The following POU6F2 variants were observed in gnomAD, a reference collection of about 807,000 sequenced individuals.
The protein encoded by POU6F2 is POU domain, class 6, transcription factor 2.
POU6F2 carries 31 observed loss-of-function variants against 71.3 expected under a neutral mutation model. The ratio of observed to expected loss-of-function variants is 0.43; its 90% CI spans 0.33 to 0.59. The LOEUF (loss-of-function observed/expected upper bound fraction) is 0.59, where lower values mean the gene tolerates loss of function less well. POU6F2 is among the 20% of genes least tolerant of loss of function. POU6F2 has a pLI of 0.04. For missense variants in POU6F2, 783 were observed against 856.8 expected (o/e 0.91, Z 1.07); for synonymous variants, 347 against 355.7 (o/e 0.98, Z 0.27).
At position 39,037,091 on chromosome 7, in the gene POU6F2, T is replaced by C. The variant is rs558763830; in HGVS notation, c.106-48769T>C. On this transcript the variant is annotated intron_variant, in intron 1 of 9. Transcript: ENST00000518318. The stretch of plus-strand genomic sequence containing the variant: ...ATGAATTTGAGAGACTCAGTTGCTG[T>C]TTAAAGACCCTGAGGCCTTTTGGGG... 3.9e-5 allele frequency among the ~76,000 whole-genome samples: 6 copies of C among 152,144 alleles called. No homozygotes were observed. In the East Asian group the frequency reaches 5.8e-4, roughly 15 times the overall value.
At chr7:39,194,699 A>C (rs920145973) in intron 2 of POU6F2, among the ~76,000 whole-genome samples, 1 of 152,126 alleles carries the variant, frequency 6.6e-6, no homozygotes, top group East Asian at 1.9e-4. Context: ...GCTGTGGGAT[A>C]TTTGTTCTTT....
intron 2 of POU6F2, among the ~76,000 whole-genome samples, chr7:39,186,902 T>G (rs1180407874): frequency 2.0e-5 from 3 of 152,220 alleles, no homozygotes; most frequent in Non-Finnish European, 4.4e-5. Flanking sequence ...CAGTATCTTG[T>G]CAGATCAAAC....
chr7:39,456,751 TTTGCAGAGAG>T (rs1314255113), intron 8 of POU6F2, among the ~76,000 whole-genome samples: 1 of 152,216 alleles, frequency 6.6e-6, no homozygotes, highest in African/African-American at 2.4e-5. Context: ...GTCAACAAAT[TTTGCAGAGAG>T]ATGCTACTTT....
chr7:39,460,632 G>A lies in POU6F2; in HGVS notation c.1575G>A (p.Leu525=). Residue 525 remains leucine (L), a synonymous_variant, in exon 9 of 10, where the codon CTG becomes CTA. Coordinates refer to ENST00000518318, the MANE Select transcript of POU6F2 (RefSeq NM_001370959.1). The surrounding 1 kb of genome is among the most constrained non-coding windows in gnomAD (Gnocchi z 4.4). ...CCAAAGCTTTTAAAATCCGGCGCCT[G>A]TCCCTTGGCCTGACCCAGACTCAGG... ...EFAKAFKIRR[L]SLGLTQTQVG... is the part of the protein sequence containing the mutation. 3 of 1,610,304 alleles carry A rather than the reference G, an allele frequency of 1.9e-6. No individual in the cohort carries two copies. The highest frequency in any genetic ancestry group is 2.5e-6 in the Non-Finnish European group (3 of 1,178,276).
At position 39,068,300 on chromosome 7, in the gene POU6F2, C is replaced by T. The variant is rs1269304970; in HGVS notation, c.106-17560C>T. On this transcript the variant is annotated intron_variant, in intron 1 of 9. Coordinates refer to ENST00000518318, the MANE Select transcript of POU6F2 (RefSeq NM_001370959.1). ...CATCAGTGCCCTGTCTCGCAACATC[C>T]CCTAACGTGCACAGGCCTCATTTTA... is the stretch of plus-strand genomic sequence containing the variant. Among the ~76,000 whole-genome samples, 3 of 152,078 alleles carry T rather than the reference C, an allele frequency of 2.0e-5. No homozygotes were observed. The East Asian group carries it at 5.8e-4, about 29-fold the overall frequency.
At chr7:39,026,555 A>T (rs866060923) in intron 1 of POU6F2, among the ~76,000 whole-genome samples, 8 of 152,052 alleles carry the variant, frequency 5.3e-5, no homozygotes, top group South Asian at 4.1e-4. Context: ...AACAATGAGA[A>T]CACATGGACA....
In POU6F2 at chr7:39,333,853, G is replaced by T. The variant is rs559260613; in HGVS notation, c.599-5789G>T. ...CCCTCCCCACTTGCTGCAGCTCCCT[G>T]TAGGGCTGCTAGGAGCCCCAAGGGT... On this transcript the variant is annotated intron_variant, in intron 4 of 9. Transcript: ENST00000518318. Among the ~76,000 whole-genome samples, 25 of 152,292 alleles carry T rather than the reference G, an allele frequency of 1.6e-4. No homozygotes were observed. The South Asian group carries it at 5.0e-3, about 30-fold the overall frequency.
At chr7:39,075,186 A>C (rs577172888) in intron 1 of POU6F2, among the ~76,000 whole-genome samples, 2 of 152,234 alleles carry the variant, frequency 1.3e-5, no homozygotes, top group African/African-American at 4.8e-5. Context: ...ATGACAGAAA[A>C]TTGTCTTAGC....
chr7:39,150,617 C>T (rs978478925), intron 2 of POU6F2, among the ~76,000 whole-genome samples: 4 of 151,794 alleles, frequency 2.6e-5, no homozygotes, highest in South Asian at 4.2e-4. Flanking sequence ...CAGGCGCCCA[C>T]CACCATGCCT....
At chr7:39,218,755 A>T (rs1794292269) in intron 4 of POU6F2, among the ~76,000 whole-genome samples, 1 of 152,092 alleles carries the variant, frequency 6.6e-6, no homozygotes, top group South Asian at 2.1e-4. Context: ...AGACTTGGTG[A>T]TGGGTTAAAT....
intron 1 of POU6F2, among the ~76,000 whole-genome samples, chr7:39,067,168 A>G (rs914269497): frequency 8.1e-5 from 12 of 147,268 alleles, no homozygotes; most frequent in African/African-American, 3.0e-4. Flanking sequence ...ACTTACTTTG[A>G]CTAAAAAAAA....
chr7:39,424,413 C>G lies in POU6F2; in HGVS notation c.1114-8664C>G, dbSNP rs113467490. 7.9e-3 allele frequency among the ~76,000 whole-genome samples: 1,198 copies of G among 152,258 alleles called. 7 individuals are homozygous for G. The highest frequency in any genetic ancestry group is 0.024 in the Middle Eastern group (7 of 292). ...AAAGTACCGTAGAGAAATCAATTAG[C>G]CTTAAGTAATCCAGAACTTTCCAGT... On this transcript the variant is annotated intron_variant, in intron 6 of 9. Coordinates refer to ENST00000518318, the MANE Select transcript of POU6F2 (RefSeq NM_001370959.1).
At chr7:39,102,682 A>G (rs1329213449) in intron 2 of POU6F2, among the ~76,000 whole-genome samples, 1 of 152,178 alleles carries the variant, frequency 6.6e-6, no homozygotes, top group African/African-American at 2.4e-5. Context: ...ACACACATAC[A>G]TACAGTGATG....
intron 7 of POU6F2, among the ~76,000 whole-genome samples, chr7:39,444,725 G>A (rs1361003415): frequency 6.6e-6 from 1 of 152,194 alleles, no homozygotes; most frequent in Non-Finnish European, 1.5e-5. Context: ...AGCTGTTGTG[G>A]CATATGGTGA....
chr7:39,440,731 A>G (rs1282021941), intron 7 of POU6F2, among the ~76,000 whole-genome samples: 1 of 152,020 alleles, frequency 6.6e-6, no homozygotes, highest in African/African-American at 2.4e-5. Context: ...TGTTGGAGAG[A>G]TGTTGTGATC....
At chr7:39,133,870 A>G (rs1792337843) in intron 2 of POU6F2, among the ~76,000 whole-genome samples, 1 of 152,186 alleles carries the variant, frequency 6.6e-6, no homozygotes, top group Non-Finnish European at 1.5e-5. Flanking sequence ...AAATAAATGC[A>G]TAAATTTTTT....
intron 4 of POU6F2, among the ~76,000 whole-genome samples, chr7:39,308,381 A>G (rs539667689): frequency 1.2e-4 from 18 of 152,272 alleles, no homozygotes; most frequent in Admixed American, 6.5e-4. Flanking sequence ...TCAGGAGGAC[A>G]TGGTGTGAGG....
chr7:39,104,326 A>G (rs1321932079), intron 2 of POU6F2, among the ~76,000 whole-genome samples: 1 of 152,222 alleles, frequency 6.6e-6, no homozygotes, highest in Admixed American at 6.5e-5. Flanking sequence ...CCTGGTAGAG[A>G]TAGTGCATTT....
rs377277344 is a variant in POU6F2 at position 39,380,290 on chromosome 7, C to T, written c.973-26310C>T. Among the ~76,000 whole-genome samples, 8 of 152,312 alleles carry T rather than the reference C, an allele frequency of 5.3e-5. No homozygotes were observed. The East Asian group carries it at 1.2e-3, about 22-fold the overall frequency. On this transcript the variant is annotated intron_variant, in intron 5 of 9. Coordinates refer to ENST00000518318, the MANE Select transcript of POU6F2 (RefSeq NM_001370959.1). ...GCCTCTTGGACAAGGCATTTAACCT[C>T]AGTTTTTTCACCTGAGAATGGGAAT...
Sources: allele counts gnomAD v4.1 joint callset (sites outside exome capture counted in the v4.1 genomes callset), GRCh38; gene constraint gnomAD v4.1.1; non-coding constraint Gnocchi (gnomAD v3.1); transcripts MANE v1.5; gene names NCBI Gene and HGNC (gene_info 2026-07-23, HGNC 2026-07-21).